The following ADGRB3 variants were observed in gnomAD, a reference collection of about 807,000 sequenced individuals.
ADGRB3 encodes adhesion G protein-coupled receptor B3.
A neutral mutation model predicts 193.4 loss-of-function variants in ADGRB3; 37 were observed. That is an observed-to-expected ratio of 0.19 (90% CI 0.15 to 0.25). The LOEUF (loss-of-function observed/expected upper bound fraction) is 0.25. Ranked by LOEUF, ADGRB3 falls within the 10% of genes least tolerant of loss-of-function variation. The pLI is 1.00. For synonymous variants in ADGRB3, 690 were observed against 644.2 expected (o/e 1.07, Z -1.08); for missense variants, 1,637 against 1,852.9 (o/e 0.88, Z 2.14).
chr6:68,868,415 C>T (rs988123498), intron 3 of ADGRB3, among the ~76,000 whole-genome samples: 3 of 152,078 alleles, frequency 2.0e-5, no homozygotes, highest in African/African-American at 7.2e-5. Context: ...TATACATTAC[C>T]CAATCCCAAT....
intron 17 of ADGRB3, among the ~76,000 whole-genome samples, chr6:69,153,531 C>A (rs193055311): frequency 1.3e-5 from 2 of 152,196 alleles, no homozygotes; most frequent in East Asian, 1.9e-4. Context: ...ATGGGTAGTT[C>A]TTTTTCAACA....
At chr6:68,862,084 A>G (rs1421333967) in intron 3 of ADGRB3, among the ~76,000 whole-genome samples, 1 of 151,510 alleles carries the variant, frequency 6.6e-6, no homozygotes, top group East Asian at 1.9e-4. Flanking sequence ...AAACTTTCCA[A>G]CTCATCCTGT....
intron 8 of ADGRB3, among the ~76,000 whole-genome samples, chr6:68,969,853 C>A (rs1390424802): frequency 2.6e-5 from 4 of 152,232 alleles, no homozygotes; most frequent in Non-Finnish European, 5.9e-5. Context: ...ATCTATTCTA[C>A]CCACAGAAGG....
chr6:69,228,859 TAAAAC>T (rs1005841297), intron 17 of ADGRB3, among the ~76,000 whole-genome samples: 1 of 152,018 alleles, frequency 6.6e-6, no homozygotes, highest in African/African-American at 2.4e-5. Flanking sequence ...CTCTGTGACT[TAAAAC>T]AAGTTTCTAA....
chr6:68,839,080 TCA>T (rs10591017), intron 3 of ADGRB3, among the ~76,000 whole-genome samples: 20,475 of 137,558 alleles, frequency 0.15, 1,728 homozygotes, highest in Middle Eastern at 0.21. Context: ...TGTCTCTCTG[TCA>T]CACACACACA....
At chr6:68,858,586 C>G (rs1238568894) in intron 3 of ADGRB3, among the ~76,000 whole-genome samples, 1 of 118,070 alleles carries the variant, frequency 8.5e-6, no homozygotes, top group Non-Finnish European at 1.7e-5. Flanking sequence ...GAGTGAGACC[C>G]TGACTCAAAA....
intron 3 of ADGRB3, among the ~76,000 whole-genome samples, chr6:68,814,830 A>G (rs894195348): frequency 7.9e-5 from 12 of 152,314 alleles, no homozygotes; most frequent in Admixed American, 2.6e-4. Context: ...GGCTGTTTCA[A>G]CATACGAAAA....
At chr6:69,138,687 T>C (rs1307992528) in intron 17 of ADGRB3, among the ~76,000 whole-genome samples, 1 of 152,178 alleles carries the variant, frequency 6.6e-6, no homozygotes, top group Non-Finnish European at 1.5e-5. Context: ...AATTTTAAAT[T>C]AATGAGATTT....
Position 69,327,869 on chromosome 6 carries a change from A to G in ADGRB3, c.3015A>G (p.Lys1005=). ...CATCAGTAGGCTTCACCAGAACAAA[A>G]GGATATGGCACTGATCACTAGTAAG... ...VATSVGFTRT[K]GYGTDHYCWL... Residue 1005 remains lysine (K), a synonymous_variant, in exon 22 of 32, where the codon AAA becomes AAG. Coordinates refer to ENST00000370598, the MANE Select transcript of ADGRB3 (RefSeq NM_001704.3). 6.2e-7 allele frequency: 1 copy of G among 1,610,014 alleles called. No homozygotes were observed. The highest frequency in any genetic ancestry group is 1.1e-5 in the South Asian group (1 of 90,688).
At chr6:68,648,937 G>T (rs984488792) in intron 3 of ADGRB3, among the ~76,000 whole-genome samples, 1 of 151,720 alleles carries the variant, frequency 6.6e-6, no homozygotes. Context: ...TAAATACAAA[G>T]AATATAATAA....
At chr6:68,692,197 A>G (rs986931934) in intron 3 of ADGRB3, among the ~76,000 whole-genome samples, 2 of 151,940 alleles carry the variant, frequency 1.3e-5, no homozygotes, top group African/African-American at 2.4e-5. Context: ...ATTTTCTAAC[A>G]TTTGAATCAA....
chr6:69,190,967 C>G (rs899859988), intron 17 of ADGRB3, among the ~76,000 whole-genome samples: 3 of 152,106 alleles, frequency 2.0e-5, no homozygotes, highest in African/African-American at 7.2e-5. Flanking sequence ...TTAGTACACT[C>G]TATGAGGTTT....
chr6:69,276,452 T>G (rs1394820113), intron 20 of ADGRB3, among the ~76,000 whole-genome samples: 1 of 152,176 alleles, frequency 6.6e-6, no homozygotes, highest in Non-Finnish European at 1.5e-5. Flanking sequence ...AATCTAAAAT[T>G]AAAAATGCTA....
intron 17 of ADGRB3, among the ~76,000 whole-genome samples, chr6:69,189,424 T>C (rs1765140435): frequency 6.6e-6 from 1 of 152,212 alleles, no homozygotes; most frequent in Admixed American, 6.5e-5. Context: ...TTTGAATCAG[T>C]GATGAAAGAT....
intron 15 of ADGRB3, among the ~76,000 whole-genome samples, chr6:69,059,169 A>G (rs749783765): frequency 6.6e-6 from 1 of 152,054 alleles, no homozygotes; most frequent in African/African-American, 2.4e-5. Context: ...TATAATTGTT[A>G]TACCTCCCCA....
intron 23 of ADGRB3, among the ~76,000 whole-genome samples, chr6:69,330,861 G>T (rs935127066): frequency 1.3e-5 from 2 of 152,108 alleles, no homozygotes; most frequent in South Asian, 2.1e-4. Flanking sequence ...CCTCTTTAAT[G>T]TATAGAATCT....
intron 3 of ADGRB3, among the ~76,000 whole-genome samples, chr6:68,778,657 A>C (rs530510721): frequency 6.6e-6 from 1 of 152,224 alleles, no homozygotes; most frequent in East Asian, 1.9e-4. Context: ...GAGTTTTTAC[A>C]AAACACCTAC....
intron 3 of ADGRB3, among the ~76,000 whole-genome samples, chr6:68,661,361 GTGTATATATA>G (rs1768631111): frequency 9.4e-6 from 1 of 106,554 alleles, no homozygotes; most frequent in African/African-American, 4.8e-5. Context: ...GTGTGTGTGT[GTGTATATATA>G]TGTGTATACA....
At chr6:68,932,475 A>T (rs889772538) in intron 4 of ADGRB3, among the ~76,000 whole-genome samples, 4 of 152,140 alleles carry the variant, frequency 2.6e-5, no homozygotes, top group Non-Finnish European at 5.9e-5. Flanking sequence ...TGAATAATAA[A>T]TATTTATTCT....
Sources: allele counts gnomAD v4.1 joint callset (sites outside exome capture counted in the v4.1 genomes callset), GRCh38; gene constraint gnomAD v4.1.1; transcripts MANE v1.5; gene names NCBI Gene and HGNC (gene_info 2026-07-23, HGNC 2026-07-21).